Variants in ZNF469 observed in about 807,000 individuals in gnomAD.
The protein encoded by ZNF469 is zinc finger protein 469.
ZNF469 carries 1 observed loss-of-function variant against 1.0 expected under a neutral mutation model. The ratio of observed to expected loss-of-function variants is 1.00; its 90% CI spans 0.35 to 4.73. The LOEUF (loss-of-function observed/expected upper bound fraction) is 4.73. Ranked by LOEUF, ZNF469 falls within the 30% of genes most tolerant of loss-of-function variation. The pLI, the probability that ZNF469 is intolerant of heterozygous loss-of-function variation, is 0.16. For synonymous variants in ZNF469, 2,703 were observed against 2,363.4 expected, an observed-to-expected ratio of 1.14 and a Z score of -4.17; for missense variants, 6,100 against 5,356.3, an observed-to-expected ratio of 1.14 and a Z score of -4.33.
the ZNF469 span, among the ~76,000 whole-genome samples, chr16:88,286,780 ACTGCC>A: frequency 2.3e-4 from 35 of 152,346 alleles, no homozygotes; most frequent in African/African-American, 8.4e-4. Context: ...CAGGACAGAT[ACTGCC>A]CTGTGGCCCT....
At chr16:88,403,332 A>G (rs1256013264) in intron 1 of ZNF469, among the ~76,000 whole-genome samples, 1 of 152,258 alleles carries the variant, frequency 6.6e-6, no homozygotes, top group African/African-American at 2.4e-5. Flanking sequence ...TGGTTATGTT[A>G]AAATCCTCTG....
the ZNF469 span, among the ~76,000 whole-genome samples, chr16:88,352,339 A>T: frequency 6.6e-6 from 1 of 152,222 alleles, no homozygotes; most frequent in Admixed American, 6.5e-5. Context: ...CAGAGGAATG[A>T]CAAATTTGCC....
chr16:88,437,528 A>G lies in ZNF469; in HGVS notation c.10058A>G (p.Gln3353Arg). The G allele has an allele frequency of 6.5e-7, 1 of 1,542,346 alleles. No homozygotes were observed. Among genetic ancestry groups the G allele is most frequent in the Non-Finnish European group, 8.8e-7 (1 of 1,141,540 alleles). The change falls in exon 3 of 3, where the codon CAG becomes CGG. Residue 3353 changes from glutamine (Q) to arginine (R), a missense_variant. Physicochemically the swap from Gln to Arg is conservative, Grantham distance 43 (BLOSUM62 1). Transcript: ENST00000565624. ...CGCTTCCCCAAGCCCTTCAAGCTGC[A>G]GCGCCACCTGGCGGTGCACAGCCCG... The part of the protein sequence containing the change: ...GKRFPKPFKL[Q>R]RHLAVHSPQR...
the ZNF469 span, among the ~76,000 whole-genome samples, chr16:88,218,389 G>A: frequency 1.3e-5 from 2 of 149,862 alleles, no homozygotes; most frequent in Admixed American, 6.7e-5. Context: ...CCATTTTGTA[G>A]GTTGCCTGTT....
the ZNF469 span, among the ~76,000 whole-genome samples, chr16:88,326,776 C>T: frequency 3.3e-5 from 5 of 152,232 alleles, no homozygotes; most frequent in African/African-American, 1.2e-4. Flanking sequence ...ACACCCAGGC[C>T]TTCCCTGGCC....
chr16:88,417,252 CCT>C (rs1491090283), intron 1 of ZNF469, among the ~76,000 whole-genome samples: 1 of 152,084 alleles, frequency 6.6e-6, no homozygotes, highest in African/African-American at 2.4e-5. Context: ...AGGCCCACAC[CCT>C]TTCTGAGCCA....
At chr16:88,138,625 C>T in the ZNF469 span, among the ~76,000 whole-genome samples, 1 of 152,224 alleles carries the variant, frequency 6.6e-6, no homozygotes, top group South Asian at 2.1e-4. Context: ...TGCAAAGGAA[C>T]ATAACAAGCC....
At chr16:88,338,364 A>C in the ZNF469 span, among the ~76,000 whole-genome samples, 24,379 of 152,140 alleles carry the variant, frequency 0.16, 2,112 homozygotes, top group South Asian at 0.31. Flanking sequence ...AGGAGTCTGC[A>C]CCCTGCAGGC....
the ZNF469 span, among the ~76,000 whole-genome samples, chr16:88,201,347 G>C: frequency 6.6e-6 from 1 of 152,162 alleles, no homozygotes; most frequent in African/African-American, 2.4e-5. This position sits in a 1 kb window ranked among gnomAD's most constrained non-coding sequence, Gnocchi z 5.0. Flanking sequence ...CTGAGGTCAG[G>C]AGTTCGAGAC....
chr16:88,141,535 A>G, the ZNF469 span, among the ~76,000 whole-genome samples: 1 of 34,848 alleles, frequency 2.9e-5, no homozygotes, highest in South Asian at 1.8e-3. Flanking sequence ...CTGCTATGAA[A>G]CGCTCAGCCT....
At chr16:88,404,854 TG>T (rs1904983407) in intron 1 of ZNF469, among the ~76,000 whole-genome samples, 1 of 152,180 alleles carries the variant, frequency 6.6e-6, no homozygotes, top group South Asian at 2.1e-4. Context: ...AATCCCCACC[TG>T]GGGTCATGTT....
chr16:88,301,775 T>C, the ZNF469 span, among the ~76,000 whole-genome samples: 3 of 152,104 alleles, frequency 2.0e-5, no homozygotes, highest in Non-Finnish European at 2.9e-5. Flanking sequence ...TTTTTGTGGG[T>C]TACTGAGAAA....
chr16:88,105,366 G>A, the ZNF469 span, among the ~76,000 whole-genome samples: 8 of 146,994 alleles, frequency 5.4e-5, no homozygotes, highest in African/African-American at 2.0e-4. Context: ...GTGTAATGGT[G>A]CAATCTTGGC....
upstream of ZNF469, among the ~76,000 whole-genome samples, chr16:88,381,590 C>G (rs559585499): frequency 2.0e-5 from 3 of 152,256 alleles, no homozygotes; most frequent in Admixed American, 6.5e-5. Context: ...CTGATTAACT[C>G]GAGAGGGTTT....
the ZNF469 span, among the ~76,000 whole-genome samples, chr16:88,219,448 C>T: frequency 1.4e-5 from 2 of 139,646 alleles, no homozygotes; most frequent in East Asian, 2.0e-4. Context: ...AGAACAGAGC[C>T]CTCAGAAATA....
At chr16:88,303,233 C>T in the ZNF469 span, among the ~76,000 whole-genome samples, 1 of 152,230 alleles carries the variant, frequency 6.6e-6, no homozygotes, top group Non-Finnish European at 1.5e-5. Context: ...ATGCAGCCGC[C>T]AGCCATGGTG....
At chr16:88,177,547 G>A in the ZNF469 span, 5 of 152,182 alleles carry the variant, frequency 3.3e-5, no homozygotes, top group Non-Finnish European at 5.9e-5. This position sits in a 1 kb window ranked among gnomAD's most constrained non-coding sequence, Gnocchi z 4.8. Flanking sequence ...CATCTCAGAC[G>A]TGGTCCTGGG....
chr16:88,233,433 G>T, the ZNF469 span, among the ~76,000 whole-genome samples: 3 of 152,348 alleles, frequency 2.0e-5, no homozygotes, highest in African/African-American at 4.8e-5. Flanking sequence ...TTCCTGGCCT[G>T]GGCCGTGGGC....
chr16:88,320,341 C>G, the ZNF469 span, among the ~76,000 whole-genome samples: 391 of 152,280 alleles, frequency 2.6e-3, 1 homozygote, highest in African/African-American at 8.2e-3. Context: ...GGCCTTGCGT[C>G]TTCATCAGCA....
Sources: allele counts gnomAD v4.1 joint callset (sites outside exome capture counted in the v4.1 genomes callset), GRCh38; gene constraint gnomAD v4.1.1; non-coding constraint Gnocchi (gnomAD v3.1); transcripts MANE v1.5; gene names NCBI Gene and HGNC (gene_info 2026-07-23, HGNC 2026-07-21).